The following SBF2 variants were observed in gnomAD, a reference collection of about 807,000 sequenced individuals.
SBF2 encodes SET binding factor 2.
In SBF2, 112 loss-of-function variants were observed where a neutral mutation model predicts 225.2. The ratio of observed to expected loss-of-function variants is 0.50; its 90% CI spans 0.43 to 0.58. The LOEUF is 0.58. Ranked by LOEUF, SBF2 falls within the 20% of genes least tolerant of loss-of-function variation. The pLI, the probability that SBF2 is intolerant of heterozygous loss-of-function variation, is 0.00. For missense variants in SBF2, 1,996 were observed against 2,206.2 expected (o/e 0.90, Z 1.91); for synonymous variants, 763 against 773.3 (o/e 0.99, Z 0.22).
intron 17 of SBF2, among the ~76,000 whole-genome samples, chr11:9,878,991 A>T (rs1421137543): frequency 6.6e-6 from 1 of 152,248 alleles, no homozygotes; most frequent in Non-Finnish European, 1.5e-5. Context: ...GAACAACTGC[A>T]AAGCTGCAGA....
chr11:9,864,928 T>A (rs1299197609), intron 17 of SBF2, among the ~76,000 whole-genome samples: 1 of 152,038 alleles, frequency 6.6e-6, no homozygotes, highest in African/African-American at 2.4e-5. Flanking sequence ...TTTTTTTTTT[T>A]GAGACAGGGT....
chr11:9,849,401 T>C (rs775063066), intron 22 of SBF2, among the ~76,000 whole-genome samples: 1 of 152,202 alleles, frequency 6.6e-6, no homozygotes, highest in East Asian at 1.9e-4. Flanking sequence ...ATTTTACATA[T>C]AGACTATAGT....
At chr11:10,136,214 C>T (rs1314764949) in intron 2 of SBF2, among the ~76,000 whole-genome samples, 5 of 152,278 alleles carry the variant, frequency 3.3e-5, no homozygotes, top group South Asian at 2.1e-4. Context: ...CAATTACCTC[C>T]ACAAGGTCCC....
chr11:9,798,959 A>AAAC (rs1044399797), intron 32 of SBF2, among the ~76,000 whole-genome samples: 32 of 151,454 alleles, frequency 2.1e-4, no homozygotes, highest in Non-Finnish European at 1.0e-4. Flanking sequence ...CTCAAAAAAA[A>AAAC]AAAAAACCAA....
intron 1 of SBF2, among the ~76,000 whole-genome samples, chr11:10,217,030 T>A (rs966283966): frequency 1.3e-5 from 2 of 152,212 alleles, no homozygotes; most frequent in Non-Finnish European, 2.9e-5. Context: ...TATACCACTT[T>A]CCTTGCCTTT....
chr11:9,827,532 T>TA (rs36082411), intron 28 of SBF2, among the ~76,000 whole-genome samples: 18 of 146,022 alleles, frequency 1.2e-4, no homozygotes, highest in East Asian at 6.2e-4. Flanking sequence ...GACTCTGTCT[T>TA]AAAAAAAAAA....
intron 17 of SBF2, among the ~76,000 whole-genome samples, chr11:9,886,179 G>A (rs1047995848): frequency 3.9e-5 from 6 of 152,250 alleles, no homozygotes; most frequent in African/African-American, 1.4e-4. Context: ...CAAAATAAAT[G>A]ATCAATTGAT....
At position 10,229,409 on chromosome 11, in the gene SBF2, G is replaced by C. The variant is rs887099221; in HGVS notation, c.56-35422C>G. Among the ~76,000 whole-genome samples, 36 of 152,110 alleles carry C rather than the reference G, an allele frequency of 2.4e-4. 1 individual carries two copies. The highest frequency in any genetic ancestry group is 7.5e-4 in the African/African-American group (31 of 41,414). ...TAGTTCTTTTAATTGTGATGTTAGGGTGTCAATTTTAGATCTTTCCTCCTT... is the reference window on the plus strand; with the variant it reads ...TAGTTCTTTTAATTGTGATGTTAGGCTGTCAATTTTAGATCTTTCCTCCTT... On this transcript the variant is annotated intron_variant, in intron 1 of 39. Coordinates refer to ENST00000256190, the MANE Select transcript of SBF2 (RefSeq NM_030962.4).
At chr11:9,838,357 GATAA>G (rs1186647317) in intron 26 of SBF2, 1 of 152,056 alleles carries the variant, frequency 6.6e-6, no homozygotes, top group African/African-American at 2.4e-5. Context: ...AGATTGGAAT[GATAA>G]ATGAGTCTGT....
chr11:9,809,077 C>T (rs1854017645), intron 30 of SBF2, 75 bp from the exon 31 acceptor site: 2 of 1,133,424 alleles, frequency 1.8e-6, no homozygotes. Flanking sequence ...TTGCTTTCAA[C>T]CCTGGATAAT....
At position 9,808,812 on chromosome 11, in the gene SBF2, C is replaced by T; in HGVS notation, c.4257+89G>A. ...TTTCTCTGTCCATAAACACATTAGTCATTATACAAAAGAGTCATCTGAAGA... is the reference window on the plus strand; with the variant it reads ...TTTCTCTGTCCATAAACACATTAGTTATTATACAAAAGAGTCATCTGAAGA... On this transcript the variant is annotated intron_variant, in intron 31 of 39. Transcript: ENST00000256190. The T allele has an allele frequency of 6.3e-6, 6 of 954,768 alleles. No homozygotes were observed. The South Asian group carries it at 8.5e-5, about 13-fold the overall frequency. The allele number at this position is 954,768 out of a possible 1,614,324, so 59.1% of individuals were successfully genotyped here.
intron 2 of SBF2, among the ~76,000 whole-genome samples, chr11:10,121,122 A>T (rs1591003045): frequency 1.3e-5 from 2 of 152,166 alleles, no homozygotes; most frequent in East Asian, 3.8e-4. Context: ...GCGGTGTGAC[A>T]TCTCATTGTG....
chr11:10,275,967 G>A (rs867033770), intron 1 of SBF2, among the ~76,000 whole-genome samples: 10 of 152,062 alleles, frequency 6.6e-5, no homozygotes, highest in African/African-American at 1.9e-4. Flanking sequence ...ATTCTCTGGA[G>A]TTGTAATCAT....
intron 33 of SBF2, among the ~76,000 whole-genome samples, chr11:9,793,035 C>T (rs1852862216): frequency 6.6e-6 from 1 of 151,100 alleles, no homozygotes; most frequent in Admixed American, 6.6e-5. Context: ...ACCTCAGCCT[C>T]TCAAAGTGCT....
chr11:10,050,992 T>G (rs1409867031), intron 2 of SBF2, among the ~76,000 whole-genome samples: 1 of 152,164 alleles, frequency 6.6e-6, no homozygotes, highest in Non-Finnish European at 1.5e-5. Flanking sequence ...GTCAGATATT[T>G]TGCTGCCTGA....
intron 1 of SBF2, among the ~76,000 whole-genome samples, chr11:10,245,133 C>CAAAAAAA (rs60827616): frequency 1.1e-5 from 1 of 92,530 alleles, no homozygotes; most frequent in Non-Finnish European, 2.1e-5. Flanking sequence ...GACCCTGTCT[C>CAAAAAAA]AAAAAAAAAA....
At chr11:9,796,903 A>T (rs1051062002) in intron 32 of SBF2, among the ~76,000 whole-genome samples, 1 of 152,212 alleles carries the variant, frequency 6.6e-6, no homozygotes, top group Non-Finnish European at 1.5e-5. Context: ...TGCTTTAGGC[A>T]AACCGTATAC....
intron 37 of SBF2, chr11:9,784,864 C>A: frequency 1.8e-6 from 1 of 543,266 alleles, no homozygotes; most frequent in Non-Finnish European, 3.3e-6. Flanking sequence ...CATGTTCCCT[C>A]AAACGTTCTG....
chr11:9,846,317 G>C (rs1034650171), intron 23 of SBF2, among the ~76,000 whole-genome samples: 2 of 152,194 alleles, frequency 1.3e-5, no homozygotes, highest in African/African-American at 4.8e-5. Flanking sequence ...TAGAAGGAAA[G>C]AGGCAAGAAC....
Sources: allele counts gnomAD v4.1 joint callset (sites outside exome capture counted in the v4.1 genomes callset), GRCh38; gene constraint gnomAD v4.1.1; transcripts MANE v1.5; gene names NCBI Gene and HGNC (gene_info 2026-07-23, HGNC 2026-07-21).